The following ITPK1 variants were observed in gnomAD, a reference collection of about 807,000 sequenced individuals.
ITPK1 encodes inositol-tetrakisphosphate 1-kinase, also known as inositol 1,3,4-trisphosphate 5/6-kinase.
In ITPK1, 21 loss-of-function variants were observed where a neutral mutation model predicts 45.3. The ratio of observed to expected loss-of-function variants is 0.46; its 90% CI spans 0.33 to 0.67. The LOEUF is 0.67. Ranked by LOEUF, ITPK1 falls within the 30% of genes least tolerant of loss-of-function variation. The pLI, the probability that ITPK1 is intolerant of heterozygous loss-of-function variation, is 0.02. For missense variants in ITPK1, 474 were observed against 573.5 expected (o/e 0.83, Z 1.77); for synonymous variants, 258 against 253.6 (o/e 1.02, Z -0.16).
chr14:92,965,132 T>C (rs1189097837), intron 5 of ITPK1, among the ~76,000 whole-genome samples: 1 of 152,154 alleles, frequency 6.6e-6, no homozygotes, highest in African/African-American at 2.4e-5. Flanking sequence ...GCAGAAAAAG[T>C]GCCCATGGAG....
chr14:93,075,114 G>T (rs1384428438), intron 3 of ITPK1, among the ~76,000 whole-genome samples: 3 of 152,008 alleles, frequency 2.0e-5, no homozygotes, highest in African/African-American at 7.2e-5. Context: ...ATCACCTGAG[G>T]TCGGGAGTTC....
At chr14:92,946,578 C>A in intron 9 of ITPK1, 85 bp from the exon 10 acceptor site, 1 of 1,343,338 alleles carries the variant, frequency 7.4e-7, no homozygotes, top group African/African-American at 1.4e-5. Context: ...CACCAGCTGC[C>A]ACGAGGCCCT....
chr14:92,958,101 CAG>C lies in ITPK1; in HGVS notation c.670+98_670+99del. The C allele has an allele frequency of 1.8e-6, 2 of 1,142,000 alleles. No individual in the cohort carries two copies. The highest frequency in any genetic ancestry group is 1.5e-5 in the African/African-American group (1 of 65,540). The allele number at this position is 1,142,000 out of a possible 1,614,324, so 70.7% of individuals were successfully genotyped here. ...GCACCTCTCCATCCCACCAAGAACA[CAG>C]GGTGGTTGGGGCAGTGCCGAAGGAC... On this transcript the variant is annotated intron_variant, in intron 8 of 10. Transcript: ENST00000267615. This position sits in a 1 kb window ranked among gnomAD's most constrained non-coding sequence, Gnocchi z 4.4.
In ITPK1 at chr14:92,958,193, G is replaced by A. The variant is rs201377361; in HGVS notation, c.670+8C>T. 2.2e-5 allele frequency: 35 copies of A among 1,613,990 alleles called. No individual in the cohort carries two copies. In the African/African-American group the frequency reaches 4.5e-4, roughly 21 times the overall value. ...TGCTCAGCCCAAGATGGTGAGAAGA[G>A]CAGTTACCTGATGTGCCTGCGGAGA... On this transcript the variant is annotated splice_region_variant and intron_variant, in intron 8 of 10. Transcript: ENST00000267615. This position sits in a 1 kb window ranked among gnomAD's most constrained non-coding sequence, Gnocchi z 4.4.
At chr14:93,102,432 TC>T (rs1415595452) in intron 2 of ITPK1, among the ~76,000 whole-genome samples, 1 of 152,270 alleles carries the variant, frequency 6.6e-6, no homozygotes, top group Non-Finnish European at 1.5e-5. Flanking sequence ...TAATTCCTTT[TC>T]TTTTCAAGGA....
chr14:93,002,179 C>A (rs756486404), intron 4 of ITPK1, among the ~76,000 whole-genome samples: 18 of 152,094 alleles, frequency 1.2e-4, no homozygotes, highest in Non-Finnish European at 1.6e-4. Flanking sequence ...CATAGCAAGA[C>A]CCTGTCTCTA....
At chr14:93,047,209 C>T (rs1889814287) in intron 3 of ITPK1, among the ~76,000 whole-genome samples, 2 of 152,190 alleles carry the variant, frequency 1.3e-5, no homozygotes, top group South Asian at 4.1e-4. Context: ...CCTTCCTCCC[C>T]GACGTTTAAG....
intron 5 of ITPK1, among the ~76,000 whole-genome samples, chr14:92,973,725 C>T (rs893509273): frequency 3.9e-5 from 6 of 152,382 alleles, no homozygotes; most frequent in African/African-American, 1.4e-4. Context: ...AGTCAACTCA[C>T]AGGCACGTGG....
Position 92,958,606 on chromosome 14 carries a change from T to A in ITPK1, c.505-240A>T, listed in dbSNP as rs1884879366. ...TCCTCCCTTCACCGGGCCTGCCATG[T>A]GAGATCGAGCTGGCTGTGCACTGCA... On this transcript the variant is annotated intron_variant, in intron 7 of 10. Coordinates refer to ENST00000267615, the MANE Select transcript of ITPK1 (RefSeq NM_014216.6). The surrounding 1 kb of genome is among the most constrained non-coding windows in gnomAD (Gnocchi z 4.4). 6.6e-6 allele frequency among the ~76,000 whole-genome samples: 1 copy of A among 152,180 alleles called. No homozygotes were observed. The highest frequency in any genetic ancestry group is 2.4e-5 in the African/African-American group (1 of 41,452).
chr14:92,948,577 A>G (rs1356162348), intron 9 of ITPK1, among the ~76,000 whole-genome samples: 1 of 151,906 alleles, frequency 6.6e-6, no homozygotes, highest in African/African-American at 2.4e-5. Context: ...GCCTCAAGTA[A>G]TCCTCCCTCC....
At chr14:92,993,232 T>C (rs1001473766) in intron 5 of ITPK1, among the ~76,000 whole-genome samples, 4 of 152,250 alleles carry the variant, frequency 2.6e-5, no homozygotes, top group Non-Finnish European at 4.4e-5. Context: ...CAGGGCACAC[T>C]TGGACTAAGC....
At chr14:92,996,384 G>A (rs890957781) in intron 4 of ITPK1, among the ~76,000 whole-genome samples, 1 of 148,324 alleles carries the variant, frequency 6.7e-6, no homozygotes, top group Non-Finnish European at 1.5e-5. Flanking sequence ...ATTGAACAAT[G>A]AGAACACTTG....
At chr14:93,087,207 G>A (rs980088899) in intron 2 of ITPK1, among the ~76,000 whole-genome samples, 2 of 152,214 alleles carry the variant, frequency 1.3e-5, no homozygotes, top group African/African-American at 4.8e-5. Flanking sequence ...TAGTTCTAAA[G>A]GCTGTCCACA....
chr14:93,054,672 T>A (rs1288509982), intron 3 of ITPK1, among the ~76,000 whole-genome samples: 1 of 152,178 alleles, frequency 6.6e-6, no homozygotes, highest in African/African-American at 2.4e-5. Flanking sequence ...GGAGCCTGCA[T>A]CACTCCTGGC....
At chr14:93,058,122 GGAAT>G (rs1890286946) in intron 3 of ITPK1, among the ~76,000 whole-genome samples, 1 of 152,012 alleles carries the variant, frequency 6.6e-6, no homozygotes. Context: ...AGCAACAGAA[GGAAT>G]GAAGGGCTGA....
At chr14:93,018,103 G>A (rs934960507) in intron 3 of ITPK1, among the ~76,000 whole-genome samples, 1 of 152,262 alleles carries the variant, frequency 6.6e-6, no homozygotes, top group Admixed American at 6.5e-5. Context: ...CAATCACCTG[G>A]CTGCCTTGTC....
At chr14:92,983,298 C>T (rs977054978) in intron 5 of ITPK1, among the ~76,000 whole-genome samples, 5 of 152,148 alleles carry the variant, frequency 3.3e-5, no homozygotes, top group African/African-American at 4.8e-5. Flanking sequence ...CTCCAGCTCC[C>T]GCTCCCAAAA....
Position 93,016,543 on chromosome 14 carries a change from A to T in ITPK1, c.246+133T>A. 1 of 1,020,430 alleles carries T rather than the reference A, an allele frequency of 9.8e-7. No individual in the cohort carries two copies. The highest frequency in any genetic ancestry group is 1.4e-6 in the Non-Finnish European group (1 of 692,606). 63.2% of individuals were successfully genotyped at this position (1,020,430 alleles called of 1,614,324 possible). On this transcript the variant is annotated intron_variant, in intron 4 of 10. Coordinates refer to ENST00000267615, the MANE Select transcript of ITPK1 (RefSeq NM_014216.6). This position sits in a 1 kb window ranked among gnomAD's most constrained non-coding sequence, Gnocchi z 5.0. Reference sequence around the variant, plus strand: ...CCTGCCCACGAGCCCATGTCTTGCCAGTGGCAGAGCCATTTCTCCAGACTA... The same window carrying T: ...CCTGCCCACGAGCCCATGTCTTGCCTGTGGCAGAGCCATTTCTCCAGACTA...
intron 3 of ITPK1, among the ~76,000 whole-genome samples, chr14:93,028,051 C>A (rs982579620): frequency 2.6e-5 from 4 of 152,210 alleles, no homozygotes; most frequent in African/African-American, 9.6e-5. Context: ...CCGCCAGAAA[C>A]CCGGAGGCTG....
Sources: gnomAD v4.1 joint callset for allele counts (sites outside exome capture counted in the v4.1 genomes callset) on GRCh38, gnomAD v4.1.1 for gene constraint, Gnocchi (gnomAD v3.1) non-coding constraint, MANE v1.5 for transcripts, NCBI Gene and HGNC (gene_info 2026-07-23, HGNC 2026-07-21) for gene names.